HDGFL3: variants seen among roughly 807,000 people sequenced by gnomAD.
HDGFL3 encodes hepatoma-derived growth factor-related protein 3.
A neutral mutation model predicts 27.6 loss-of-function variants in HDGFL3; 6 were observed. The observed-to-expected ratio is 0.22, with a 90% CI of 0.12 to 0.43. The LOEUF (loss-of-function observed/expected upper bound fraction) is 0.43, where lower values mean the gene tolerates loss of function less well. Among genes scored for constraint, HDGFL3 ranks in the 20% least tolerant of loss-of-function variants. The pLI is 1.00. For missense variants in HDGFL3, 207 were observed against 250.1 expected (o/e 0.83, Z 1.16); for synonymous variants, 88 against 88.9 (o/e 0.99, Z 0.05).
At chr15:83,197,418 T>C (rs2037584827) in intron 1 of HDGFL3, among the ~76,000 whole-genome samples, 1 of 152,208 alleles carries the variant, frequency 6.6e-6, no homozygotes. Context: ...AAGAATGCCT[T>C]CCTATCATCA....
At chr15:83,160,227 G>A (rs1409992249) in intron 2 of HDGFL3, among the ~76,000 whole-genome samples, 6 of 150,762 alleles carry the variant, frequency 4.0e-5, no homozygotes, top group African/African-American at 1.2e-4. Context: ...TCACTTTGTC[G>A]CCAGGCTGGA....
rs2037744566 is a variant in HDGFL3, at chr15:83,207,798, C to T, written c.-384G>A. The T allele has an allele frequency of 6.6e-6, 1 of 150,704 alleles. No homozygotes were observed. Among genetic ancestry groups the T allele is most frequent in the Non-Finnish European group, 1.5e-5 (1 of 67,434 alleles). 9.3% of individuals were successfully genotyped at this position (150,704 alleles called of 1,614,324 possible). ...CCCGGGCGCGGCGCGAGCGCCGGGC[C>T]TCGCGTCTGCTCCGAATTCCTTCTC... is the stretch of plus-strand genomic sequence containing the variant. On this transcript the variant is annotated 5_prime_UTR_variant, in exon 1 of 6. Transcript: ENST00000299633. The surrounding 1 kb of genome is among the most constrained non-coding windows in gnomAD (Gnocchi z 4.8).
In HDGFL3 at chr15:83,135,998, C is replaced by T. The variant is rs2036583697; in HGVS notation, c.*3272G>A. On this transcript the variant is annotated 3_prime_UTR_variant, in exon 6 of 6. Coordinates refer to ENST00000299633, the MANE Select transcript of HDGFL3 (RefSeq NM_016073.4). ...GACTGATAAATGAAGCTGAGGTCCCCCCAGTGCTTCCCTTTCAATAGTTTA... is the reference window on the plus strand; with the variant it reads ...GACTGATAAATGAAGCTGAGGTCCCTCCAGTGCTTCCCTTTCAATAGTTTA... 6.6e-6 allele frequency: 1 copy of T among 152,392 alleles called. No individual in the cohort carries two copies. Among genetic ancestry groups the T allele is most frequent in the African/African-American group, 2.4e-5 (1 of 41,428 alleles). 9.4% of individuals were successfully genotyped at this position (152,392 alleles called of 1,614,324 possible). A position where few individuals can be genotyped will look rare whatever the true frequency, so the allele number is the denominator to read the frequency against.
Position 83,169,414 on chromosome 15 carries a change from C to CAAAAAAAAA in HDGFL3, c.85-5348_85-5340dup, listed in dbSNP as rs58159581. Among the ~76,000 whole-genome samples the CAAAAAAAAA allele has an allele frequency of 6.5e-3, 231 of 35,594 alleles. 2 individuals carry two copies. Among genetic ancestry groups the CAAAAAAAAA allele is most frequent in the South Asian group, 9.0e-3 (4 of 444 alleles). The allele number at this position is 35,594 out of a possible 152,430, so 23.4% of individuals were successfully genotyped here. ...TGGGCGACAGAGCGAGACTCCGTCT[C>CAAAAAAAAA]AAAAAAAAAAAAAAAAAAAAAAAAA... On this transcript the variant is annotated intron_variant, in intron 1 of 5. Coordinates refer to ENST00000299633, the MANE Select transcript of HDGFL3 (RefSeq NM_016073.4).
At chr15:83,142,476 A>G (rs1435717450) in intron 5 of HDGFL3, among the ~76,000 whole-genome samples, 1 of 152,210 alleles carries the variant, frequency 6.6e-6, no homozygotes, top group Non-Finnish European at 1.5e-5. Context: ...CTAAATAATG[A>G]GAACTCATGG....
Position 83,135,787 on chromosome 15 carries a change from A to G in HDGFL3, c.*3483T>C, listed in dbSNP as rs1363476003. ...AATTTGATTTAAAAAGGTTGCCTGC[A>G]TGTACATTTGCCATTTTACAAAGAG... On this transcript the variant is annotated 3_prime_UTR_variant, in exon 6 of 6. Transcript: ENST00000299633. 2 of 152,232 alleles carry G rather than the reference A, an allele frequency of 1.3e-5. No homozygotes were observed. Among genetic ancestry groups the G allele is most frequent in the African/African-American group, 2.4e-5 (1 of 41,458 alleles). The allele number at this position is 152,232 out of a possible 1,614,324, so 9.4% of individuals were successfully genotyped here. A position where few individuals can be genotyped will look rare whatever the true frequency, so the allele number is the denominator to read the frequency against.
chr15:83,149,420 T>C (rs1476781660), intron 5 of HDGFL3, among the ~76,000 whole-genome samples: 4 of 152,148 alleles, frequency 2.6e-5, no homozygotes, highest in African/African-American at 9.7e-5. Flanking sequence ...GAACACAAGA[T>C]GTTTTCAGAG....
rs780813635 is a variant in HDGFL3 at position 83,136,443 on chromosome 15, T to A, written c.*2827A>T. 4 of 1,540,662 alleles carry A rather than the reference T, an allele frequency of 2.6e-6. No individual in the cohort carries two copies. The highest frequency in any genetic ancestry group is 3.5e-6 in the Non-Finnish European group (4 of 1,146,094). ...TCATCATGCATCCAACTGAACACGTTTCATGCTTACTCAATTTTTTTTTTT... is the reference window on the plus strand; with the variant it reads ...TCATCATGCATCCAACTGAACACGTATCATGCTTACTCAATTTTTTTTTTT... On this transcript the variant is annotated 3_prime_UTR_variant, in exon 6 of 6. Coordinates refer to ENST00000299633, the MANE Select transcript of HDGFL3 (RefSeq NM_016073.4).
rs1459626224 is a variant in HDGFL3 at position 83,138,012 on chromosome 15, A to G, written c.*1258T>C. The G allele has an allele frequency of 6.6e-6, 1 of 152,248 alleles. No individual in the cohort carries two copies. The highest frequency in any genetic ancestry group is 6.6e-5 in the Admixed American group (1 of 15,260). 9.4% of individuals were successfully genotyped at this position (152,248 alleles called of 1,614,324 possible). A position where few individuals can be genotyped will look rare whatever the true frequency, so the allele number is the denominator to read the frequency against. ...AACCCAGAGAGTGTTTAAAAAAAAA[A>G]AAAGAAAGAAAAAGAAAAACCCTCA... is the stretch of plus-strand genomic sequence containing the variant. On this transcript the variant is annotated 3_prime_UTR_variant, in exon 6 of 6. Coordinates refer to ENST00000299633, the MANE Select transcript of HDGFL3 (RefSeq NM_016073.4).
At chr15:83,170,309 C>T (rs1377548998) in intron 1 of HDGFL3, among the ~76,000 whole-genome samples, 2 of 152,208 alleles carry the variant, frequency 1.3e-5, no homozygotes, top group African/African-American at 2.4e-5. Context: ...CATTACCTGA[C>T]TTCAAACTAT....
intron 5 of HDGFL3, among the ~76,000 whole-genome samples, chr15:83,145,617 G>A (rs913697887): frequency 2.6e-5 from 4 of 151,946 alleles, no homozygotes; most frequent in African/African-American, 9.7e-5. Context: ...TCCCAGTTTT[G>A]AATCTCAGTG....
intron 1 of HDGFL3, among the ~76,000 whole-genome samples, chr15:83,172,946 G>A (rs2037264564): frequency 6.6e-6 from 1 of 152,148 alleles, no homozygotes; most frequent in Non-Finnish European, 1.5e-5. Flanking sequence ...AGTAAAAGAA[G>A]GGGTTGTCTT....
At chr15:83,124,556 T>C, downstream of HDGFL3, 1 of 748,606 alleles carries the variant, frequency 1.3e-6, no homozygotes, top group Non-Finnish European at 2.3e-6. Flanking sequence ...TGATTTATGA[T>C]ATAAATTGTG....
chr15:83,122,106 A>C, intron 3 of HDGFL3: 1 of 945,174 alleles, frequency 1.1e-6, no homozygotes, highest in Non-Finnish European at 1.6e-6. Flanking sequence ...AGTGATTCCA[A>C]GCTTACTAAA....
Position 83,207,266 on chromosome 15 carries a change from C to G in HDGFL3, c.84+65G>C. The G allele has an allele frequency of 3.6e-6, 4 of 1,115,386 alleles. No homozygotes were observed. The highest frequency in any genetic ancestry group is 3.2e-5 in the East Asian group (1 of 30,998). 69.1% of individuals were successfully genotyped at this position (1,115,386 alleles called of 1,614,324 possible). On this transcript the variant is annotated intron_variant, in intron 1 of 5. Coordinates refer to ENST00000299633, the MANE Select transcript of HDGFL3 (RefSeq NM_016073.4). This position sits in a 1 kb window ranked among gnomAD's most constrained non-coding sequence, Gnocchi z 4.8. ...GGGCTGAGGCGATGGGGAAAGGGGG[C>G]GGGCGCGCCATCATGAAGGGGAAAA...
chr15:83,167,885 T>C (rs923143465), intron 1 of HDGFL3, among the ~76,000 whole-genome samples: 3 of 152,152 alleles, frequency 2.0e-5, no homozygotes, highest in African/African-American at 2.4e-5. Context: ...TACTCCAAGA[T>C]AGACCACATG....
intron 1 of HDGFL3, among the ~76,000 whole-genome samples, chr15:83,190,333 G>C (rs1216622793): frequency 6.6e-6 from 1 of 151,954 alleles, no homozygotes; most frequent in Non-Finnish European, 1.5e-5. Context: ...ACTAGGATTA[G>C]AGATGCTAAG....
intron 5 of HDGFL3, among the ~76,000 whole-genome samples, chr15:83,146,321 G>A (rs1238623216): frequency 2.0e-5 from 3 of 152,102 alleles, no homozygotes; most frequent in Non-Finnish European, 4.4e-5. Context: ...TTAACACACA[G>A]GGCCATGGGT....
At chr15:83,206,898 G>A (rs1235756897) in intron 1 of HDGFL3, among the ~76,000 whole-genome samples, 1 of 152,210 alleles carries the variant, frequency 6.6e-6, no homozygotes, top group Non-Finnish European at 1.5e-5. Context: ...TTTACTGCCC[G>A]CCGGCACTCG....
Sources: allele counts gnomAD v4.1 joint callset (sites outside exome capture counted in the v4.1 genomes callset), GRCh38; gene constraint gnomAD v4.1.1; non-coding constraint Gnocchi (gnomAD v3.1); transcripts MANE v1.5; gene names NCBI Gene and HGNC (gene_info 2026-07-23, HGNC 2026-07-21).